The following RIN2 variants were observed in gnomAD, a reference collection of about 807,000 sequenced individuals.
The protein encoded by RIN2 is RAB5 interacting protein 2.
In RIN2, 36 loss-of-function variants were observed where a neutral mutation model predicts 78.0. The ratio of observed to expected loss-of-function variants is 0.46; its 90% CI spans 0.35 to 0.61. The LOEUF (loss-of-function observed/expected upper bound fraction) is 0.61, where lower values mean the gene tolerates loss of function less well. Among genes scored for constraint, RIN2 ranks in the 20% least tolerant of loss-of-function variants. The pLI, the probability that RIN2 is intolerant of heterozygous loss-of-function variation, is 0.00. For missense variants in RIN2, 1,087 were observed against 1,159.7 expected (o/e 0.94, Z 0.91); for synonymous variants, 466 against 466.8 (o/e 1.00, Z 0.02).
chr20:19,851,074 A>AAGGT (rs1324279390), intron 2 of RIN2, among the ~76,000 whole-genome samples: 7 of 150,908 alleles, frequency 4.6e-5, no homozygotes, highest in Admixed American at 4.0e-4. Flanking sequence ...GGAAGGAAGG[A>AAGGT]AGGAAGGAAG....
In RIN2 at chr20:19,991,436, C is replaced by G. The variant is rs144417938; in HGVS notation, c.2069-732C>G. 3.2e-3 allele frequency among the ~76,000 whole-genome samples: 490 copies of G among 152,274 alleles called. 2 individuals are homozygous for G. Among genetic ancestry groups the G allele is most frequent in the African/African-American group, 0.011 (465 of 41,540 alleles). On this transcript the variant is annotated intron_variant, in intron 10 of 12. Transcript: ENST00000255006. ...CATTAATGTAGACAGGATAATTCTTCTTTTGGGGGCTGCCCTGCTTCCTGT... is the reference window on the plus strand; with the variant it reads ...CATTAATGTAGACAGGATAATTCTTGTTTTGGGGGCTGCCCTGCTTCCTGT...
chr20:20,000,689 C>G lies in RIN2; in HGVS notation c.2441C>G (p.Thr814Ser), dbSNP rs1415209015. The G allele has an allele frequency of 2.5e-6, 4 of 1,613,708 alleles. No homozygotes were observed. Among genetic ancestry groups the G allele is most frequent in the Non-Finnish European group, 3.4e-6 (4 of 1,179,736 alleles). Reference protein sequence around the residue: ...GKTLLVRPYITTEDVCQICAE... With the variant: ...GKTLLVRPYISTEDVCQICAE... ...ACCCTCCTTGTGAGACCTTACATCACCACTGAGGATGTGTGTCAGATCTGC... is the reference window on the plus strand; with the variant it reads ...ACCCTCCTTGTGAGACCTTACATCAGCACTGAGGATGTGTGTCAGATCTGC... The change falls in exon 13 of 13, where the codon ACC becomes AGC. Residue 814 changes from threonine (T) to serine (S), a missense_variant. Transcript: ENST00000255006.
intron 4 of RIN2, among the ~76,000 whole-genome samples, chr20:19,948,840 T>C (rs2041201827): frequency 6.6e-6 from 1 of 152,170 alleles, no homozygotes; most frequent in Non-Finnish European, 1.5e-5. Context: ...TCTCACTCTG[T>C]TGCCCAGGCT....
rs560526861 is a variant in RIN2, at chr20:19,983,598, C to CT, written c.1763-6403dup. On this transcript the variant is annotated intron_variant, in intron 9 of 12. Coordinates refer to ENST00000255006, the MANE Select transcript of RIN2 (RefSeq NM_018993.4). ...TTAGCTTCTATTTCTACTACTTTAC[C>CT]TTTTTAAAAAAAAATCAGAATGCTA... Among the ~76,000 whole-genome samples, 107 of 133,460 alleles carry CT rather than the reference C, an allele frequency of 8.0e-4. 1 individual carries two copies. Among genetic ancestry groups the CT allele is most frequent in the South Asian group, 2.4e-3 (10 of 4,180 alleles). 87.6% of individuals were successfully genotyped at this position (133,460 alleles called of 152,430 possible).
intron 4 of RIN2, among the ~76,000 whole-genome samples, chr20:19,936,886 A>C (rs1407223804): frequency 6.6e-6 from 1 of 152,246 alleles, no homozygotes; most frequent in East Asian, 1.9e-4. Flanking sequence ...AACAGAAAAG[A>C]AAGAGGAAAA....
At chr20:19,823,679 G>A in intron 2 of RIN2, 4 of 1,581,702 alleles carry the variant, frequency 2.5e-6, no homozygotes, top group Non-Finnish European at 3.4e-6. Flanking sequence ...CTGTCTCTTG[G>A]TGGTTCCTTG....
chr20:19,924,205 C>A (rs1294773742), intron 3 of RIN2, among the ~76,000 whole-genome samples: 16 of 56,096 alleles, frequency 2.9e-4, no homozygotes, highest in Non-Finnish European at 4.1e-4. Flanking sequence ...CCTTCATACC[C>A]CCAACTTTCA....
chr20:19,956,919 G>A (rs1600940531), intron 5 of RIN2, 112 bp downstream of exon 5: 3 of 854,076 alleles, frequency 3.5e-6, no homozygotes, highest in Non-Finnish European at 5.3e-6. Context: ...TAAGGAGCAT[G>A]TCTCTTGATG....
At chr20:19,851,296 C>T (rs934438479) in intron 2 of RIN2, among the ~76,000 whole-genome samples, 1 of 151,936 alleles carries the variant, frequency 6.6e-6, no homozygotes, top group Non-Finnish European at 1.5e-5. Flanking sequence ...AGGACTCAAT[C>T]AATAAGAAAG....
intron 1 of RIN2, among the ~76,000 whole-genome samples, chr20:19,762,821 T>C (rs1053951683): frequency 2.6e-5 from 4 of 152,126 alleles, no homozygotes; most frequent in Admixed American, 2.6e-4. Flanking sequence ...TGGAGTGCAG[T>C]GGTGCGATCT....
chr20:19,978,217 G>A (rs904764934), intron 9 of RIN2, among the ~76,000 whole-genome samples: 16 of 152,116 alleles, frequency 1.1e-4, no homozygotes, highest in African/African-American at 3.9e-4. Context: ...AGATAGCTCT[G>A]AACTAGAAGA....
At chr20:19,844,087 A>G (rs1472962482) in intron 2 of RIN2, among the ~76,000 whole-genome samples, 1 of 152,204 alleles carries the variant, frequency 6.6e-6, no homozygotes, top group East Asian at 1.9e-4. Flanking sequence ...CAGTATGTCA[A>G]ATTCCAATGC....
chr20:19,900,055 G>A (rs1270329512), intron 3 of RIN2, among the ~76,000 whole-genome samples: 1 of 152,190 alleles, frequency 6.6e-6, no homozygotes, highest in Non-Finnish European at 1.5e-5. Flanking sequence ...GAGCATACAA[G>A]TCCCTTCTAG....
chr20:19,833,330 C>T (rs1355013343), intron 2 of RIN2, among the ~76,000 whole-genome samples: 1 of 150,926 alleles, frequency 6.6e-6, no homozygotes, highest in Non-Finnish European at 1.5e-5. Flanking sequence ...ACGTGCAGAA[C>T]ATGCAGGTTT....
intron 2 of RIN2, among the ~76,000 whole-genome samples, chr20:19,881,060 AC>A (rs2038014100): frequency 6.6e-6 from 1 of 152,230 alleles, no homozygotes; most frequent in Non-Finnish European, 1.5e-5. Flanking sequence ...CTAGTTTCTT[AC>A]TTTTGCTATC....
intron 2 of RIN2, among the ~76,000 whole-genome samples, chr20:19,833,109 T>G (rs1352203432): frequency 6.6e-6 from 1 of 152,152 alleles, no homozygotes; most frequent in African/African-American, 2.4e-5. Flanking sequence ...ACCTTCTGCC[T>G]CTAACAGACC....
chr20:19,940,372 T>A lies in RIN2; in HGVS notation c.158+5173T>A, dbSNP rs577751090. Among the ~76,000 whole-genome samples, 38 of 152,248 alleles carry A rather than the reference T, an allele frequency of 2.5e-4. No individual in the cohort carries two copies. In the South Asian group the frequency reaches 6.9e-3, roughly 27 times the overall value. On this transcript the variant is annotated intron_variant, in intron 4 of 12. Coordinates refer to ENST00000255006, the MANE Select transcript of RIN2 (RefSeq NM_018993.4). The stretch of plus-strand genomic sequence containing the variant: ...CCTCTTGCAGGTGGCCACCAACCGG[T>A]GCATAAAAAAATAAAAAGTTGAAAA...
At chr20:19,910,489 T>C (rs1732894044) in intron 3 of RIN2, among the ~76,000 whole-genome samples, 1 of 151,752 alleles carries the variant, frequency 6.6e-6, no homozygotes, top group African/African-American at 2.4e-5. Flanking sequence ...CTCTCTTTTT[T>C]CTTTTTCTTT....
chr20:19,784,037 G>A (rs548545047), intron 1 of RIN2, among the ~76,000 whole-genome samples: 5 of 152,324 alleles, frequency 3.3e-5, no homozygotes, highest in East Asian at 3.9e-4. Context: ...AGACACTGAC[G>A]GACACAGTGT....
Sources: allele counts gnomAD v4.1 joint callset (sites outside exome capture counted in the v4.1 genomes callset), GRCh38; gene constraint gnomAD v4.1.1; transcripts MANE v1.5; gene names NCBI Gene and HGNC (gene_info 2026-07-23, HGNC 2026-07-21).